INSL6: variants seen among roughly 807,000 people sequenced by gnomAD.
INSL6 encodes the protein insulin-like peptide INSL6.
A neutral mutation model predicts 9.4 loss-of-function variants in INSL6; 16 were observed. The ratio of observed to expected loss-of-function variants is 1.70; its 90% CI spans 1.15 to 2.59. INSL6 has a LOEUF of 2.59. INSL6 is among the 30% of genes most tolerant of loss of function. The pLI, the probability that INSL6 is intolerant of heterozygous loss-of-function variation, is 0.00. For synonymous variants in INSL6, 154 were observed against 96.9 expected, an observed-to-expected ratio of 1.59 and a Z score of -3.46; for missense variants, 391 against 257.3, an observed-to-expected ratio of 1.52 and a Z score of -3.56.
At chr9:5,159,848 TCTC>T (rs1824888007), downstream of INSL6, among the ~76,000 whole-genome samples, 1 of 152,166 alleles carries the variant, frequency 6.6e-6, no homozygotes, top group African/African-American at 2.4e-5. Context: ...AATACATTTC[TCTC>T]CTCAGCATGC....
chr9:5,185,528 G>A lies in INSL6; in HGVS notation c.75C>T (p.Asp25=). Residue 25 remains aspartate (D), a synonymous_variant, in exon 1 of 2, where the codon GAC becomes GAT. Coordinates refer to ENST00000381641, the MANE Select transcript of INSL6 (RefSeq NM_007179.3). ...LLVRFSRELS[D]ISSARKLCGR... is the part of the protein sequence containing the mutation. ...CGCACAGCTTCCTGGCACTGCTGAT[G>A]TCGCTCAGTTCACGAGAAAACCGAA... The A allele has an allele frequency of 3.1e-6, 5 of 1,614,182 alleles. No homozygotes were observed. Among genetic ancestry groups the A allele is most frequent in the South Asian group, 1.1e-5 (1 of 91,078 alleles).
chr9:5,014,313 C>G, the INSL6 span, among the ~76,000 whole-genome samples: 4 of 151,926 alleles, frequency 2.6e-5, no homozygotes, highest in African/African-American at 7.3e-5. Context: ...CTCTTATTTA[C>G]TCTTTATTCA....
At chr9:5,141,209 G>A (rs1297416452) in intron 2 of INSL6, among the ~76,000 whole-genome samples, 2 of 151,982 alleles carry the variant, frequency 1.3e-5, no homozygotes, top group African/African-American at 2.4e-5. Context: ...ATATTTCTTT[G>A]TGTATATACC....
At chr9:4,995,856 A>T in the INSL6 span, among the ~76,000 whole-genome samples, 1 of 152,048 alleles carries the variant, frequency 6.6e-6, no homozygotes, top group Non-Finnish European at 1.5e-5. Flanking sequence ...CCTTTTTTTT[A>T]AACTTTATTG....
chr9:5,012,328 C>G, the INSL6 span, among the ~76,000 whole-genome samples: 1 of 152,066 alleles, frequency 6.6e-6, no homozygotes, highest in Non-Finnish European at 1.5e-5. Context: ...TTTGTATCTG[C>G]TTTTGTTTCT....
chr9:5,073,782 G>A, the INSL6 span: 21 of 1,595,826 alleles, frequency 1.3e-5, no homozygotes, highest in Admixed American at 3.3e-5. Context: ...CTGTGGAGAC[G>A]AGAGTAAGTA....
the INSL6 span, chr9:5,078,567 T>C: frequency 2.7e-6 from 2 of 743,322 alleles, no homozygotes; most frequent in African/African-American, 3.5e-5. Context: ...ATAATAAAAT[T>C]ATCACTTTTA....
At chr9:5,159,435 G>C (rs1824878469), downstream of INSL6, among the ~76,000 whole-genome samples, 1 of 151,604 alleles carries the variant, frequency 6.6e-6, no homozygotes, top group African/African-American at 2.4e-5. Flanking sequence ...GACATACATA[G>C]ACTCAAAATA....
the INSL6 span, among the ~76,000 whole-genome samples, chr9:5,017,678 C>T: frequency 4.6e-5 from 7 of 152,138 alleles, no homozygotes; most frequent in East Asian, 9.6e-4. Context: ...TAATAAGATA[C>T]GATGTAATAG....
At chr9:5,161,198 T>C (rs1301542385), downstream of INSL6, among the ~76,000 whole-genome samples, 2 of 152,012 alleles carry the variant, frequency 1.3e-5, no homozygotes. Flanking sequence ...AAAATACTAG[T>C]AAACCAAACG....
chr9:5,047,044 A>G, the INSL6 span, among the ~76,000 whole-genome samples: 1 of 152,218 alleles, frequency 6.6e-6, no homozygotes, highest in Non-Finnish European at 1.5e-5. Flanking sequence ...TGTCTTATCT[A>G]GCATGGCAAG....
chr9:5,025,470 T>C, the INSL6 span, among the ~76,000 whole-genome samples: 1 of 152,038 alleles, frequency 6.6e-6, no homozygotes, highest in South Asian at 2.1e-4. Context: ...TTCCTTCCCT[T>C]CTTCTGTCTC....
chr9:5,146,042 T>C (rs1229833425), intron 2 of INSL6, among the ~76,000 whole-genome samples: 1 of 152,200 alleles, frequency 6.6e-6, no homozygotes, highest in Non-Finnish European at 1.5e-5. Flanking sequence ...TTTTGAGTGT[T>C]CGCATTCTTG....
chr9:5,079,970 T>G, the INSL6 span, among the ~76,000 whole-genome samples: 1 of 152,132 alleles, frequency 6.6e-6, no homozygotes. Context: ...GCTAACAAAT[T>G]GTGTGGCTTT....
chr9:5,150,412 T>G (rs1410051603), intron 2 of INSL6, among the ~76,000 whole-genome samples: 1 of 152,010 alleles, frequency 6.6e-6, no homozygotes, highest in Admixed American at 6.6e-5. Context: ...AAACAAATAA[T>G]CCCATTAAAA....
chr9:5,061,229 C>T, the INSL6 span, among the ~76,000 whole-genome samples: 1 of 152,312 alleles, frequency 6.6e-6, no homozygotes, highest in South Asian at 2.1e-4. Flanking sequence ...TTCAAGTCAC[C>T]AATGGCATAG....
In INSL6 at chr9:5,185,529, TCGC is replaced by T; in HGVS notation, c.71_73del (p.Ser24_Asp25delinsAsn). ...GCACAGCTTCCTGGCACTGCTGATG[TCGC>T]TCAGTTCACGAGAAAACCGAACCAG... is the stretch of plus-strand genomic sequence containing the variant. On this transcript the variant is annotated inframe_deletion, in exon 1 of 2. Transcript: ENST00000381641. The T allele has an allele frequency of 6.2e-7, 1 of 1,614,184 alleles. No homozygotes were observed. The highest frequency in any genetic ancestry group is 8.5e-7 in the Non-Finnish European group (1 of 1,180,032).
chr9:5,002,076 A>C, the INSL6 span, among the ~76,000 whole-genome samples: 1 of 151,950 alleles, frequency 6.6e-6, no homozygotes, highest in African/African-American at 2.4e-5. Context: ...TTCTGTTTGT[A>C]AATTGATCAT....
intron 1 of INSL6, among the ~76,000 whole-genome samples, chr9:5,180,984 T>G (rs1445678979): frequency 1.3e-5 from 2 of 152,170 alleles, no homozygotes; most frequent in Non-Finnish European, 2.9e-5. Context: ...CAGGCCAGCA[T>G]TAGAGTCCTA....
Sources: gnomAD v4.1 joint callset for allele counts (sites outside exome capture counted in the v4.1 genomes callset) on GRCh38, gnomAD v4.1.1 for gene constraint, MANE v1.5 for transcripts, NCBI Gene and HGNC (gene_info 2026-07-23, HGNC 2026-07-21) for gene names.